The following DAB1 variants were observed in gnomAD, a reference collection of about 807,000 sequenced individuals.
DAB1 encodes the protein DAB adaptor protein 1, also known as disabled homolog 1.
A neutral mutation model predicts 64.6 loss-of-function variants in DAB1; 15 were observed. The observed-to-expected ratio is 0.23, with a 90% CI of 0.16 to 0.36. The LOEUF (loss-of-function observed/expected upper bound fraction) is 0.36. Among genes scored for constraint, DAB1 ranks in the 10% least tolerant of loss-of-function variants. The pLI, the probability that DAB1 is intolerant of heterozygous loss-of-function variation, is 1.00. For missense variants in DAB1, 596 were observed against 706.7 expected, an observed-to-expected ratio of 0.84 and a Z score of 1.78; for synonymous variants, 235 against 251.9, an observed-to-expected ratio of 0.93 and a Z score of 0.64.
chr1:57,410,477 G>A (rs943151866), intron 1 of DAB1, among the ~76,000 whole-genome samples: 2 of 152,162 alleles, frequency 1.3e-5, no homozygotes, highest in Admixed American at 1.3e-4. Context: ...GTGCTCAAGA[G>A]GCCTAAGAAA....
chr1:57,504,915 T>C (rs1293087273), intron 7 of DAB1, among the ~76,000 whole-genome samples: 1 of 152,154 alleles, frequency 6.6e-6, no homozygotes, highest in Non-Finnish European at 1.5e-5. Flanking sequence ...TCAGCAGAAC[T>C]CCTTTAAATT....
At chr1:58,016,293 T>G (rs765396312) in intron 5 of DAB1, among the ~76,000 whole-genome samples, 2 of 152,166 alleles carry the variant, frequency 1.3e-5, no homozygotes, top group Non-Finnish European at 2.9e-5. Flanking sequence ...CATGGCTATA[T>G]TTCAATAAAA....
intron 1 of DAB1, among the ~76,000 whole-genome samples, chr1:57,414,438 T>C (rs190719411): frequency 1.3e-5 from 2 of 152,362 alleles, no homozygotes; most frequent in East Asian, 3.9e-4. Flanking sequence ...AATTAAGGTA[T>C]GTACATTGAT....
intron 2 of DAB1, among the ~76,000 whole-genome samples, chr1:57,283,276 T>C (rs937169062): frequency 2.0e-5 from 3 of 152,230 alleles, no homozygotes; most frequent in Admixed American, 2.0e-4. Context: ...ATTCATTCCC[T>C]CAGTTATTCT....
intron 1 of DAB1, among the ~76,000 whole-genome samples, chr1:57,375,063 A>C (rs1228574030): frequency 6.6e-6 from 1 of 152,060 alleles, no homozygotes; most frequent in African/African-American, 2.4e-5. Flanking sequence ...TGCCACTCTG[A>C]TTTCCAGGTC....
chr1:57,354,694 A>C (rs17423255), intron 1 of DAB1, among the ~76,000 whole-genome samples: 76,031 of 151,932 alleles, frequency 0.5, 19,753 homozygotes, highest in African/African-American at 0.55. Flanking sequence ...AAAGGAAGCA[A>C]TCTCTAGTTC....
chr1:58,149,466 C>T (rs1333485304), intron 5 of DAB1, among the ~76,000 whole-genome samples: 2 of 152,106 alleles, frequency 1.3e-5, no homozygotes, highest in African/African-American at 4.8e-5. Context: ...CAACTGTCTG[C>T]CCTTAGTGAT....
At chr1:57,265,237 G>A (rs1216385940) in intron 2 of DAB1, among the ~76,000 whole-genome samples, 3 of 152,144 alleles carry the variant, frequency 2.0e-5, no homozygotes, top group Non-Finnish European at 4.4e-5. Flanking sequence ...CTCTTCTGGT[G>A]AGTCAGCCAC....
rs74959647 is a variant in DAB1 at position 57,460,243 on chromosome 1, G to A, written n.626-169077C>T. Among the ~76,000 whole-genome samples, 771 of 152,226 alleles carry A rather than the reference G, an allele frequency of 5.1e-3. 4 individuals carry two copies. Among genetic ancestry groups the A allele is most frequent in the East Asian group, 0.023 (120 of 5,174 alleles). Reference sequence around the variant, plus strand: ...ACAGGATGAATTTCAGCCCTCATTCGTCCCCATCCCCTTGTTTGGGAGCTT... The same window carrying A: ...ACAGGATGAATTTCAGCCCTCATTCATCCCCATCCCCTTGTTTGGGAGCTT... On this transcript the variant is annotated intron_variant and non_coding_transcript_variant, in intron 7 of 20. Transcript: ENST00000485760.
At chr1:58,448,875 G>T (rs1187753113) in intron 3 of DAB1, among the ~76,000 whole-genome samples, 6 of 152,196 alleles carry the variant, frequency 3.9e-5, no homozygotes, top group Admixed American at 2.6e-4. Flanking sequence ...AAAGAATGTG[G>T]GAGTAGGGCG....
intron 3 of DAB1, among the ~76,000 whole-genome samples, chr1:58,376,651 T>G (rs28852488): frequency 0.11 from 15,753 of 142,540 alleles, 1,534 homozygotes; most frequent in Middle Eastern, 0.16. Flanking sequence ...AAAATGTATA[T>G]TCTGTTGATT....
At chr1:58,360,696 T>C (rs1644156622) in intron 3 of DAB1, among the ~76,000 whole-genome samples, 1 of 150,644 alleles carries the variant, frequency 6.6e-6, no homozygotes, top group Admixed American at 6.6e-5. Context: ...GTTCAGAACA[T>C]TTGCAGAAAG....
chr1:57,990,277 CA>C (rs1244921964), intron 5 of DAB1, among the ~76,000 whole-genome samples: 2 of 152,178 alleles, frequency 1.3e-5, no homozygotes, highest in Non-Finnish European at 2.9e-5. Context: ...GGTAGACTTA[CA>C]GAGAATAAGT....
At chr1:58,215,006 G>A (rs74384572) in intron 4 of DAB1, among the ~76,000 whole-genome samples, 4,047 of 152,284 alleles carry the variant, frequency 0.027, 76 homozygotes, top group Non-Finnish European at 0.041. Context: ...AGAAGTCAAT[G>A]AATCAAAGGG....
intron 7 of DAB1, among the ~76,000 whole-genome samples, chr1:57,576,594 T>C (rs1418397541): frequency 1.3e-5 from 2 of 151,994 alleles, no homozygotes; most frequent in African/African-American, 2.4e-5. Context: ...TCAGAGGGAG[T>C]GTGACCCTGT....
At chr1:57,961,227 A>G (rs1645512894) in intron 5 of DAB1, among the ~76,000 whole-genome samples, 1 of 152,190 alleles carries the variant, frequency 6.6e-6, no homozygotes, top group Admixed American at 6.5e-5. Context: ...TAATATACGC[A>G]TGTGTATACA....
At chr1:57,104,021 G>C (rs1170522525) in intron 4 of DAB1, among the ~76,000 whole-genome samples, 1 of 152,114 alleles carries the variant, frequency 6.6e-6, no homozygotes, top group African/African-American at 2.4e-5. Flanking sequence ...CAGAGACATG[G>C]GGCCCTGGAG....
At chr1:57,169,048 C>T (rs953957749) in intron 2 of DAB1, among the ~76,000 whole-genome samples, 8 of 151,836 alleles carry the variant, frequency 5.3e-5, no homozygotes, top group Non-Finnish European at 1.0e-4. Flanking sequence ...AGAGTGGGAC[C>T]CTGCCTCAAA....
chr1:57,691,827 C>G (rs541836115), intron 6 of DAB1, among the ~76,000 whole-genome samples: 2 of 152,138 alleles, frequency 1.3e-5, no homozygotes, highest in African/African-American at 4.8e-5. Context: ...TCTCAGACCC[C>G]TTTCGCTTGC....
Sources: gnomAD v4.1 joint callset for allele counts (sites outside exome capture counted in the v4.1 genomes callset) on GRCh38, gnomAD v4.1.1 for gene constraint, MANE v1.5 for transcripts, NCBI Gene and HGNC (gene_info 2026-07-23, HGNC 2026-07-21) for gene names.